FRMD4A: variants seen among roughly 807,000 people sequenced by gnomAD.
FRMD4A encodes FERM domain containing 4A.
Under a neutral mutation model 129.1 loss-of-function variants are expected in FRMD4A, and 29 were observed. That is an observed-to-expected ratio of 0.22 (90% CI 0.17 to 0.31). FRMD4A has a LOEUF of 0.31. Among genes scored for constraint, FRMD4A ranks in the 10% least tolerant of loss-of-function variants. The probability of loss-of-function intolerance (pLI) is 1.00; values close to 1 mark genes in which losing one functional copy is unlikely to be tolerated. For synonymous variants in FRMD4A, 634 were observed against 571.6 expected (o/e 1.11, Z -1.56); for missense variants, 1,272 against 1,375.8 (o/e 0.92, Z 1.19).
At chr10:13,844,137 T>C (rs2130986001) in intron 3 of FRMD4A, among the ~76,000 whole-genome samples, 1 of 152,126 alleles carries the variant, frequency 6.6e-6, no homozygotes, top group East Asian at 1.9e-4. Context: ...GTGTGCATGT[T>C]TGTGTATGTG....
At chr10:13,685,705 G>A in intron 15 of FRMD4A, 1 of 894,822 alleles carries the variant, frequency 1.1e-6, no homozygotes, top group Non-Finnish European at 1.3e-6. Flanking sequence ...CCAGTCAGGA[G>A]GCTGAGGCAG....
At chr10:14,251,235 G>A (rs955829070) in intron 2 of FRMD4A, among the ~76,000 whole-genome samples, 2 of 152,202 alleles carry the variant, frequency 1.3e-5, no homozygotes, top group East Asian at 3.8e-4. Flanking sequence ...AAGTCAAGGA[G>A]TGTCACTTCT....
chr10:13,883,855 C>T (rs553860707), intron 2 of FRMD4A, among the ~76,000 whole-genome samples: 107 of 152,280 alleles, frequency 7.0e-4, no homozygotes, highest in African/African-American at 2.5e-3. Context: ...ATATAATGTT[C>T]TATAAATACT....
chr10:13,656,566 G>C (rs534805903), intron 22 of FRMD4A, 70 bp downstream of exon 22: 2 of 1,315,836 alleles, frequency 1.5e-6, no homozygotes, highest in Non-Finnish European at 1.9e-6. Context: ...CCTTCCCCGC[G>C]GTAGCCCTTG....
At chr10:13,986,003 TG>T (rs1176907797) in intron 2 of FRMD4A, among the ~76,000 whole-genome samples, 4 of 152,194 alleles carry the variant, frequency 2.6e-5, no homozygotes, top group African/African-American at 9.6e-5. Context: ...CCCGTGGCTT[TG>T]GTCATCTCTT....
At chr10:14,015,757 A>G (rs569393300) in intron 2 of FRMD4A, among the ~76,000 whole-genome samples, 45 of 152,328 alleles carry the variant, frequency 3.0e-4, no homozygotes, top group African/African-American at 9.9e-4. Flanking sequence ...AGTGTCTAAT[A>G]AAATAAGGCA....
At chr10:14,070,402 C>G (rs1835264042) in intron 2 of FRMD4A, among the ~76,000 whole-genome samples, 1 of 152,186 alleles carries the variant, frequency 6.6e-6, no homozygotes. Context: ...TCATTTGTCT[C>G]CCTCCCCTCC....
At chr10:14,080,599 G>A (rs980880584) in intron 2 of FRMD4A, among the ~76,000 whole-genome samples, 2 of 152,022 alleles carry the variant, frequency 1.3e-5, no homozygotes, top group African/African-American at 4.8e-5. Context: ...TGCATCAGAT[G>A]GCCTTTTGGA....
At chr10:14,262,213 G>A (rs1844830486) in intron 2 of FRMD4A, among the ~76,000 whole-genome samples, 1 of 152,130 alleles carries the variant, frequency 6.6e-6, no homozygotes, top group Non-Finnish European at 1.5e-5. Flanking sequence ...ATTTCTATAT[G>A]AAAACTGAGC....
intron 2 of FRMD4A, among the ~76,000 whole-genome samples, chr10:14,055,478 C>A (rs910377536): frequency 1.3e-5 from 2 of 150,668 alleles, no homozygotes; most frequent in Admixed American, 6.6e-5. Flanking sequence ...CACACACACA[C>A]ACACACACAC....
intron 2 of FRMD4A, among the ~76,000 whole-genome samples, chr10:13,961,187 T>G (rs2095443817): frequency 6.6e-6 from 1 of 152,214 alleles, no homozygotes; most frequent in Non-Finnish European, 1.5e-5. Flanking sequence ...TAGGAAATTC[T>G]CCGCCAACTT....
intron 2 of FRMD4A, among the ~76,000 whole-genome samples, chr10:14,025,327 G>A (rs1368354899): frequency 6.6e-6 from 1 of 151,732 alleles, no homozygotes; most frequent in African/African-American, 2.4e-5. Flanking sequence ...AAAATGTTTG[G>A]AAATTGTGGT....
At chr10:14,195,948 C>T (rs1842460301) in intron 2 of FRMD4A, among the ~76,000 whole-genome samples, 1 of 152,148 alleles carries the variant, frequency 6.6e-6, no homozygotes, top group Admixed American at 6.5e-5. Flanking sequence ...AAGTTTTGTT[C>T]AGTATGTTTA....
chr10:14,266,119 G>A (rs765121722), intron 2 of FRMD4A, among the ~76,000 whole-genome samples: 32 of 150,328 alleles, frequency 2.1e-4, no homozygotes, highest in Non-Finnish European at 4.3e-4. Flanking sequence ...TCCCAACCTC[G>A]GCACTGCTGA....
chr10:13,698,951 G>T lies in FRMD4A; in HGVS notation c.975+2389C>A, dbSNP rs149077274. Among the ~76,000 whole-genome samples the T allele has an allele frequency of 1.2e-4, 18 of 152,076 alleles. No individual in the cohort carries two copies. The East Asian group carries it at 3.5e-3, about 29-fold the overall frequency. On this transcript the variant is annotated intron_variant, in intron 14 of 24. Transcript: ENST00000357447. ...GTGGGCATTTTCTTCAGTCCCCAAG[G>T]GTTACTTTTACAAAAGGGACAGCTG...
At chr10:14,137,049 TCAACAAGAGCCCTGCCATGAGGCAAAGC>T (rs1458931348) in intron 2 of FRMD4A, among the ~76,000 whole-genome samples, 1 of 152,192 alleles carries the variant, frequency 6.6e-6, no homozygotes, top group East Asian at 1.9e-4. Flanking sequence ...TTATTCCCAT[TCAACAAGAGCCCTGCCATGAGGCAAAGC>T]CAACAAGAGT....
At chr10:14,100,721 AT>A (rs1837259607) in intron 2 of FRMD4A, among the ~76,000 whole-genome samples, 1 of 152,032 alleles carries the variant, frequency 6.6e-6, no homozygotes, top group African/African-American at 2.4e-5. Flanking sequence ...ATATATATAT[AT>A]TTCTGATTGA....
At chr10:13,800,283 A>C (rs545444525) in intron 4 of FRMD4A, among the ~76,000 whole-genome samples, 1 of 152,356 alleles carries the variant, frequency 6.6e-6, no homozygotes, top group African/African-American at 2.4e-5. Flanking sequence ...GTGTATAGCA[A>C]CTGTTAGGTG....
intron 2 of FRMD4A, among the ~76,000 whole-genome samples, chr10:14,084,618 G>T (rs1439121789): frequency 6.6e-6 from 1 of 152,096 alleles, no homozygotes; most frequent in East Asian, 1.9e-4. Flanking sequence ...CTTTTGATAT[G>T]CAAACCAACC....
Sources: allele counts gnomAD v4.1 joint callset (sites outside exome capture counted in the v4.1 genomes callset), GRCh38; gene constraint gnomAD v4.1.1; transcripts MANE v1.5; gene names NCBI Gene and HGNC (gene_info 2026-07-23, HGNC 2026-07-21).